Variants in TPO observed in about 807,000 individuals in gnomAD.
The protein encoded by TPO is thyroid peroxidase.
In TPO, 78 loss-of-function variants were observed where a neutral mutation model predicts 96.9. The ratio of observed to expected loss-of-function variants is 0.81; its 90% confidence interval spans 0.67 to 0.97. TPO has a LOEUF of 0.97. TPO is among the 50% of genes least tolerant of loss of function. The probability of loss-of-function intolerance (pLI) is 0.00; values close to 1 mark genes in which losing one functional copy is unlikely to be tolerated. For synonymous variants in TPO, 547 were observed against 538.0 expected (o/e 1.02, Z -0.23); for missense variants, 1,252 against 1,274.8 (o/e 0.98, Z 0.27).
At chr2:1,516,617 C>T (rs1309850735) in intron 14 of TPO, among the ~76,000 whole-genome samples, 13 of 152,214 alleles carry the variant, frequency 8.5e-5, no homozygotes, top group Non-Finnish European at 2.9e-5. Flanking sequence ...CGCGTCCATG[C>T]CGAACCCACA....
At chr2:1,456,725 G>A (rs868789481) in intron 7 of TPO, among the ~76,000 whole-genome samples, 1 of 14,444 alleles carries the variant, frequency 6.9e-5, no homozygotes, top group Non-Finnish European at 1.6e-4. Context: ...ACACATATAT[G>A]TAGCATGTAT....
At chr2:1,502,704 A>C (rs2124991316) in intron 13 of TPO, among the ~76,000 whole-genome samples, 1 of 152,316 alleles carries the variant, frequency 6.6e-6, no homozygotes, top group Non-Finnish European at 1.5e-5. Flanking sequence ...ATACTCTTAT[A>C]GAATGGTTGT....
intron 15 of TPO, among the ~76,000 whole-genome samples, chr2:1,528,661 C>T (rs1167880911): frequency 1.4e-5 from 2 of 145,168 alleles, no homozygotes; most frequent in Non-Finnish European, 3.0e-5. Flanking sequence ...ACCACATCCA[C>T]CACTGTGTGC....
intron 1 of TPO, among the ~76,000 whole-genome samples, chr2:1,393,272 T>C (rs1514681): frequency 0.52 from 78,822 of 152,058 alleles, 22,822 homozygotes; most frequent in East Asian, 0.78. Flanking sequence ...CAAGAACTCA[T>C]TCACTATGAG....
intron 14 of TPO, among the ~76,000 whole-genome samples, chr2:1,512,195 G>T (rs974501475): frequency 6.6e-6 from 1 of 152,060 alleles, no homozygotes; most frequent in Non-Finnish European, 1.5e-5. Context: ...CACCACGCCC[G>T]GCTAATTTTT....
chr2:1,522,519 C>G (rs550288777), intron 15 of TPO, among the ~76,000 whole-genome samples: 12 of 151,994 alleles, frequency 7.9e-5, no homozygotes, highest in African/African-American at 2.7e-4. Context: ...TCTCTCTGAT[C>G]TGTCTCCCTC....
chr2:1,454,373 T>C (rs1192518200), intron 6 of TPO, among the ~76,000 whole-genome samples: 1 of 152,212 alleles, frequency 6.6e-6, no homozygotes, highest in Non-Finnish European at 1.5e-5. Context: ...AATACATCAG[T>C]GGATGTTCTG....
At chr2:1,445,965 A>G (rs1295044515) in intron 5 of TPO, among the ~76,000 whole-genome samples, 1 of 152,192 alleles carries the variant, frequency 6.6e-6, no homozygotes, top group Admixed American at 6.5e-5. Context: ...ATATGGTACC[A>G]TGTTGGATAA....
intron 10 of TPO, among the ~76,000 whole-genome samples, chr2:1,490,816 C>T (rs1241743215): frequency 6.6e-5 from 10 of 152,214 alleles, no homozygotes; most frequent in Non-Finnish European, 4.4e-5. Context: ...ATGATTTCCA[C>T]TACGCCCTGA....
intron 13 of TPO, among the ~76,000 whole-genome samples, chr2:1,501,782 C>T (rs923569692): frequency 1.5e-4 from 23 of 152,218 alleles, no homozygotes; most frequent in East Asian, 9.7e-4. Flanking sequence ...GCAGGAAGGA[C>T]GCCCCCCGAC....
intron 1 of TPO, among the ~76,000 whole-genome samples, chr2:1,381,267 A>G (rs1457191114): frequency 6.6e-6 from 1 of 152,240 alleles, no homozygotes; most frequent in Non-Finnish European, 1.5e-5. Context: ...TAGCCATCTG[A>G]CAAAGGGCTA....
At chr2:1,502,448 G>C (rs1332831217) in intron 13 of TPO, among the ~76,000 whole-genome samples, 1 of 152,102 alleles carries the variant, frequency 6.6e-6, no homozygotes, top group African/African-American at 2.4e-5. Flanking sequence ...GGAGTGCAGT[G>C]CCGCAATCTC....
chr2:1,478,222 T>A (rs1670171580), intron 8 of TPO: 2 of 985,382 alleles, frequency 2.0e-6, no homozygotes, highest in Non-Finnish European at 2.4e-6. Flanking sequence ...GGCCTTTTAT[T>A]AATTGTGTGA....
intron 1 of TPO, among the ~76,000 whole-genome samples, chr2:1,390,942 A>G (rs1248321101): frequency 6.6e-6 from 1 of 152,102 alleles, no homozygotes; most frequent in Non-Finnish European, 1.5e-5. Flanking sequence ...TCTTTGTCAG[A>G]TGGGTAGATG....
At chr2:1,390,263 G>A (rs989409274) in intron 1 of TPO, among the ~76,000 whole-genome samples, 2 of 152,082 alleles carry the variant, frequency 1.3e-5, no homozygotes, top group African/African-American at 4.8e-5. Flanking sequence ...GTGAGAACAT[G>A]TGGTGTTTGG....
chr2:1,507,792 G>T (rs1376747212), intron 14 of TPO, among the ~76,000 whole-genome samples: 7 of 152,072 alleles, frequency 4.6e-5, no homozygotes, highest in Non-Finnish European at 1.0e-4. Context: ...GGGCTGAGAT[G>T]ATGGGGTTTT....
At chr2:1,427,458 G>A (rs1473932208) in intron 3 of TPO, among the ~76,000 whole-genome samples, 1 of 152,188 alleles carries the variant, frequency 6.6e-6, no homozygotes, top group African/African-American at 2.4e-5. Flanking sequence ...GGCTGGTAGT[G>A]AGTGGCCCCA....
At chr2:1,387,478 T>C (rs1661921647) in intron 1 of TPO, among the ~76,000 whole-genome samples, 1 of 152,228 alleles carries the variant, frequency 6.6e-6, no homozygotes, top group Admixed American at 6.5e-5. Flanking sequence ...CAATCACTGA[T>C]ACCCTTTCTT....
intron 15 of TPO, among the ~76,000 whole-genome samples, chr2:1,537,137 G>C (rs1210622397): frequency 5.3e-5 from 3 of 56,752 alleles, no homozygotes; most frequent in African/African-American, 1.9e-4. Context: ...TGCAACCTCC[G>C]CAAATACCCC....
Sources: allele counts gnomAD v4.1 joint callset (sites outside exome capture counted in the v4.1 genomes callset), GRCh38; gene constraint gnomAD v4.1.1; transcripts MANE v1.5; gene names NCBI Gene and HGNC (gene_info 2026-07-23, HGNC 2026-07-21).